Variants in SLC35F4 observed in about 807,000 individuals in gnomAD.
SLC35F4 encodes chromosome 14 open reading frame 36.
A neutral mutation model predicts 44.2 loss-of-function variants in SLC35F4; 24 were observed. That is an observed-to-expected ratio of 0.54 (90% CI 0.39 to 0.76). The LOEUF (loss-of-function observed/expected upper bound fraction) is 0.76. Ranked by LOEUF, SLC35F4 falls within the 30% of genes least tolerant of loss-of-function variation. The pLI, the probability that SLC35F4 is intolerant of heterozygous loss-of-function variation, is 0.00. For missense variants in SLC35F4, 562 were observed against 586.1 expected (o/e 0.96, Z 0.42); for synonymous variants, 238 against 223.6 (o/e 1.06, Z -0.57).
chr14:57,652,740 T>C (rs983811404), intron 1 of SLC35F4, among the ~76,000 whole-genome samples: 1 of 151,656 alleles, frequency 6.6e-6, no homozygotes, highest in African/African-American at 2.4e-5. Context: ...AAGAACTATC[T>C]TGCACAAAAT....
chr14:57,792,678 T>A (rs1400376595), intron 1 of SLC35F4, among the ~76,000 whole-genome samples: 1 of 152,110 alleles, frequency 6.6e-6, no homozygotes, highest in Non-Finnish European at 1.5e-5. Context: ...CACTCAGATA[T>A]GGAAAACCAA....
intron 1 of SLC35F4, among the ~76,000 whole-genome samples, chr14:57,648,672 A>G (rs984034670): frequency 2.6e-5 from 4 of 152,162 alleles, no homozygotes; most frequent in Admixed American, 6.6e-5. Context: ...TAAAAAGGAG[A>G]AAGGAAACTG....
chr14:57,749,041 CA>C (rs1172939676), intron 1 of SLC35F4, among the ~76,000 whole-genome samples: 4 of 152,138 alleles, frequency 2.6e-5, no homozygotes, highest in Non-Finnish European at 4.4e-5. Flanking sequence ...ACTTATCCAA[CA>C]GATACAGAGC....
At chr14:57,874,755 A>G (rs1888363824) in intron 1 of SLC35F4, among the ~76,000 whole-genome samples, 1 of 152,052 alleles carries the variant, frequency 6.6e-6, no homozygotes, top group African/African-American at 2.4e-5. Context: ...AAATCAGACC[A>G]TATGCTTCTC....
downstream of SLC35F4, among the ~76,000 whole-genome samples, chr14:57,974,826 T>C (rs1043362559): frequency 2.0e-5 from 3 of 152,236 alleles, no homozygotes; most frequent in African/African-American, 7.2e-5. Context: ...AAAAAGTGCC[T>C]GGCACATAGT....
At chr14:57,623,158 T>G (rs563625927) in intron 1 of SLC35F4, among the ~76,000 whole-genome samples, 1 of 152,000 alleles carries the variant, frequency 6.6e-6, no homozygotes, top group Non-Finnish European at 1.5e-5. Flanking sequence ...GAGGTTGCAA[T>G]CCTATTCTCT....
chr14:57,975,150 G>T (rs1247239140), downstream of SLC35F4, among the ~76,000 whole-genome samples: 1 of 152,170 alleles, frequency 6.6e-6, no homozygotes, highest in African/African-American at 2.4e-5. Context: ...GTTGATCATT[G>T]AGGTGACTAT....
chr14:57,648,731 A>G (rs890987877), intron 1 of SLC35F4, among the ~76,000 whole-genome samples: 4 of 152,232 alleles, frequency 2.6e-5, no homozygotes, highest in African/African-American at 9.6e-5. Flanking sequence ...TCTGAAAAAT[A>G]AAATCTAAGC....
At chr14:57,631,689 A>G (rs2072784438) in intron 1 of SLC35F4, among the ~76,000 whole-genome samples, 1 of 150,186 alleles carries the variant, frequency 6.7e-6, no homozygotes, top group Non-Finnish European at 1.5e-5. Flanking sequence ...AGGATTAGTC[A>G]GTTTTAAGCA....
At chr14:57,968,919 C>G (rs2141093180) in intron 1 of SLC35F4, among the ~76,000 whole-genome samples, 1 of 152,342 alleles carries the variant, frequency 6.6e-6, no homozygotes. Flanking sequence ...ATCCGTTAAA[C>G]TTGTCTAGGA....
At chr14:57,944,695 AAAAGAAAGAAAGAAAGAAAG>A (rs141697627) in intron 1 of SLC35F4, among the ~76,000 whole-genome samples, 7,259 of 116,010 alleles carry the variant, frequency 0.063, 228 homozygotes, top group Middle Eastern at 0.12. Flanking sequence ...AGAAAGAAAG[AAAAGAAAGAAAGAAAGAAAG>A]AAAGAAAGAA....
Position 57,699,902 on chromosome 14 carries a change from T to C in SLC35F4, c.104-105778A>G, listed in dbSNP as rs116093137. Among the ~76,000 whole-genome samples the C allele has an allele frequency of 6.6e-3, 1,002 of 152,314 alleles. 6 individuals carry two copies. The highest frequency in any genetic ancestry group is 0.022 in the African/African-American group (935 of 41,558). ...TTTGAGTTGAGAGTCCATGGGATTT[T>C]TGTGCAAAATTTAAGGTCTAATTGC... On this transcript the variant is annotated intron_variant, in intron 1 of 7. Coordinates refer to ENST00000556826, the MANE Select transcript of SLC35F4 (RefSeq NM_001306087.2).
chr14:57,653,661 GA>G (rs1362996589), intron 1 of SLC35F4, among the ~76,000 whole-genome samples: 4 of 152,306 alleles, frequency 2.6e-5, no homozygotes, highest in Non-Finnish European at 2.9e-5. Context: ...TTATAGTCCT[GA>G]AAATGTTGAT....
chr14:57,655,335 A>C (rs1449353598), intron 1 of SLC35F4, among the ~76,000 whole-genome samples: 5 of 152,140 alleles, frequency 3.3e-5, no homozygotes, highest in African/African-American at 1.2e-4. Flanking sequence ...TGGGGAGAAC[A>C]AGATAGTGTC....
At chr14:57,804,373 C>T (rs1433788375) in intron 1 of SLC35F4, among the ~76,000 whole-genome samples, 1 of 152,168 alleles carries the variant, frequency 6.6e-6, no homozygotes, top group Non-Finnish European at 1.5e-5. Context: ...TTATACTATA[C>T]TACAAGGCTA....
chr14:57,871,568 T>C (rs1888297710), intron 1 of SLC35F4, among the ~76,000 whole-genome samples: 1 of 152,226 alleles, frequency 6.6e-6, no homozygotes, highest in Non-Finnish European at 1.5e-5. Flanking sequence ...ATATTACTTG[T>C]CACACAAGCT....
rs754861077 is a variant in SLC35F4 at position 57,583,335 on chromosome 14, C to T, written c.588-1902G>A. Among the ~76,000 whole-genome samples the T allele has an allele frequency of 6.1e-5, 9 of 147,338 alleles. No homozygotes were observed. In the South Asian group the frequency reaches 8.9e-4, roughly 15 times the overall value. On this transcript the variant is annotated intron_variant, in intron 3 of 7. Transcript: ENST00000556826. The stretch of plus-strand genomic sequence containing the variant: ...GCCGTGTAGAGCTGGAGTTGAGAGT[C>T]GTGGGTTTATCCCATCATTTACAAC...
chr14:57,843,355 A>T (rs543617878), intron 1 of SLC35F4, among the ~76,000 whole-genome samples: 2 of 152,196 alleles, frequency 1.3e-5, no homozygotes, highest in South Asian at 2.1e-4. Context: ...TTCCAGAGCC[A>T]CCCCTCCATA....
At chr14:57,791,879 C>T (rs554648012) in intron 1 of SLC35F4, among the ~76,000 whole-genome samples, 1 of 152,132 alleles carries the variant, frequency 6.6e-6, no homozygotes, top group East Asian at 1.9e-4. Flanking sequence ...AAACTAAACA[C>T]CACATGTTCT....
Sources: allele counts gnomAD v4.1 joint callset (sites outside exome capture counted in the v4.1 genomes callset), GRCh38; gene constraint gnomAD v4.1.1; transcripts MANE v1.5; gene names NCBI Gene and HGNC (gene_info 2026-07-23, HGNC 2026-07-21).